Variants in SCN2A observed in about 807,000 individuals in gnomAD.
SCN2A encodes the protein sodium channel protein type 2 subunit alpha.
In SCN2A, 20 loss-of-function variants were observed where a neutral mutation model predicts 188.7. That is an observed-to-expected ratio of 0.11 (90% CI 0.07 to 0.15). SCN2A has a LOEUF of 0.15. Ranked by LOEUF, SCN2A falls within the 10% of genes least tolerant of loss-of-function variation. SCN2A has a pLI of 1.00. For missense variants in SCN2A, 1,278 were observed against 2,445.0 expected (o/e 0.52, Z 10.07); for synonymous variants, 804 against 833.1 (o/e 0.97, Z 0.60).
At chr2:165,268,273 T>C (rs543813263) in intron 1 of SCN2A, 1 of 152,100 alleles carries the variant, frequency 6.6e-6, no homozygotes, top group Non-Finnish European at 1.5e-5. Flanking sequence ...TGAACATAGA[T>C]GCAAAAATTC....
intron 1 of SCN2A, among the ~76,000 whole-genome samples, chr2:165,281,082 A>T (rs1292673769): frequency 1.3e-5 from 2 of 152,110 alleles, no homozygotes; most frequent in Non-Finnish European, 2.9e-5. Flanking sequence ...TTAGCCAGGC[A>T]AGGTGGCATG....
Position 165,390,224 on chromosome 2 carries a change from G to A in SCN2A, c.*400G>A, listed in dbSNP as rs564495757. On this transcript the variant is annotated 3_prime_UTR_variant, in exon 27 of 27. Coordinates refer to ENST00000375437, the MANE Select transcript of SCN2A (RefSeq NM_001040142.2). Reference sequence around the variant, plus strand: ...CACCTGCCATATTTTTACAAAACGTGTGCTGTGAATTTATCACTTTTCTTT... The same window carrying A: ...CACCTGCCATATTTTTACAAAACGTATGCTGTGAATTTATCACTTTTCTTT... 1 of 205,532 alleles carries A rather than the reference G, an allele frequency of 4.9e-6. No individual in the cohort carries two copies. Among genetic ancestry groups the A allele is most frequent in the African/African-American group, 2.4e-5 (1 of 42,416 alleles). The allele number at this position is 205,532 out of a possible 1,614,324, so 12.7% of individuals were successfully genotyped here.
chr2:165,292,253 T>C (rs911588058), intron 1 of SCN2A, among the ~76,000 whole-genome samples: 1 of 152,236 alleles, frequency 6.6e-6, no homozygotes, highest in Non-Finnish European at 1.5e-5. Flanking sequence ...AGTTATCTGC[T>C]AAAGTGACTA....
chr2:165,380,369 T>G (rs1701538621), intron 23 of SCN2A, among the ~76,000 whole-genome samples: 1 of 151,810 alleles, frequency 6.6e-6, no homozygotes, highest in Non-Finnish European at 1.5e-5. Context: ...TTGTCTATAA[T>G]CATTCAGACT....
intron 17 of SCN2A, among the ~76,000 whole-genome samples, chr2:165,363,348 A>T (rs1173871571): frequency 1.3e-5 from 2 of 152,086 alleles, no homozygotes; most frequent in Non-Finnish European, 2.9e-5. Flanking sequence ...TTCTGTGTTT[A>T]CAGTGTGAAC....
At chr2:165,387,804 C>G (rs1394649582) in intron 26 of SCN2A, among the ~76,000 whole-genome samples, 1 of 151,976 alleles carries the variant, frequency 6.6e-6, no homozygotes, top group Non-Finnish European at 1.5e-5. Flanking sequence ...TTTCTTTAGT[C>G]GAATAGAACA....
At position 165,311,859 on chromosome 2, in the gene SCN2A, T is replaced by C. The variant is rs143785800; in HGVS notation, c.971-166T>C. Among the ~76,000 whole-genome samples, 248 of 152,268 alleles carry C rather than the reference T, an allele frequency of 1.6e-3. 3 individuals are homozygous for C. Among genetic ancestry groups the C allele is most frequent in the Admixed American group, 0.012 (186 of 15,288 alleles). ...TTTGTATAATCAAAAATGTTATATA[T>C]TGATATTTGTTCAATATTGTGAAAA... On this transcript the variant is annotated intron_variant, in intron 7 of 26. Coordinates refer to ENST00000375437, the MANE Select transcript of SCN2A (RefSeq NM_001040142.2).
At chr2:165,287,228 T>C (rs2106130296) in intron 1 of SCN2A, among the ~76,000 whole-genome samples, 1 of 152,354 alleles carries the variant, frequency 6.6e-6, no homozygotes, top group African/African-American at 2.4e-5. Flanking sequence ...GGCCTAGTTA[T>C]GGCCTGGTTA....
intron 5 of SCN2A, 104 bp from the exon 6 acceptor site, chr2:165,309,248 T>C: frequency 6.2e-7 from 1 of 1,613,612 alleles, no homozygotes; most frequent in South Asian, 1.1e-5. Context: ...ACTATTTCTG[T>C]AATTCCAGGT....
chr2:165,281,124 G>T (rs980699854), intron 1 of SCN2A, among the ~76,000 whole-genome samples: 1 of 152,094 alleles, frequency 6.6e-6, no homozygotes, highest in Non-Finnish European at 1.5e-5. Flanking sequence ...GGAATGCTGA[G>T]GTGGGAGGAT....
intron 22 of SCN2A, 64 bp from the exon 23 acceptor site, chr2:165,377,533 A>G: frequency 3.0e-6 from 4 of 1,355,590 alleles, no homozygotes; most frequent in Non-Finnish European, 4.2e-6. Flanking sequence ...TTGATCAATT[A>G]TTCAATTTAT....
chr2:165,328,411 T>C, intron 13 of SCN2A: 1 of 890,392 alleles, frequency 1.1e-6, no homozygotes, highest in Non-Finnish European at 1.3e-6. Flanking sequence ...CAGGTAAATC[T>C]TTTGAAGATT....
chr2:165,359,702 G>A (rs992918305), intron 17 of SCN2A, among the ~76,000 whole-genome samples: 1 of 151,996 alleles, frequency 6.6e-6, no homozygotes, highest in South Asian at 2.1e-4. Context: ...CTTTATCCTG[G>A]AGAATGTGTA....
chr2:165,342,824 A>G (rs1458240398), intron 15 of SCN2A, among the ~76,000 whole-genome samples: 1 of 152,170 alleles, frequency 6.6e-6, no homozygotes, highest in East Asian at 1.9e-4. Flanking sequence ...ACCTAGGATG[A>G]GCTCCCCTTT....
intron 18 of SCN2A, among the ~76,000 whole-genome samples, chr2:165,365,989 C>T (rs999339890): frequency 6.6e-6 from 1 of 152,142 alleles, no homozygotes; most frequent in African/African-American, 2.4e-5. Flanking sequence ...CTAGTTTTGA[C>T]TCCTATTTCC....
chr2:165,255,826 C>T (rs1031529189), intron 1 of SCN2A, among the ~76,000 whole-genome samples: 1 of 151,854 alleles, frequency 6.6e-6, no homozygotes, highest in Admixed American at 6.6e-5. Flanking sequence ...ATATTTTGTT[C>T]TTTTATCCTC....
At chr2:165,376,444 T>C (rs536596502) in intron 22 of SCN2A, among the ~76,000 whole-genome samples, 2 of 152,060 alleles carry the variant, frequency 1.3e-5, no homozygotes, top group African/African-American at 4.8e-5. Context: ...AACAATAAAA[T>C]AAAATTTTTC....
At chr2:165,334,802 A>T (rs1362683034) in intron 14 of SCN2A, among the ~76,000 whole-genome samples, 3 of 151,780 alleles carry the variant, frequency 2.0e-5, no homozygotes, top group Admixed American at 1.3e-4. Context: ...AATGGCATCT[A>T]GATTGGAACA....
At chr2:165,304,594 G>A (rs1697016912) in intron 3 of SCN2A, among the ~76,000 whole-genome samples, 1 of 152,160 alleles carries the variant, frequency 6.6e-6, no homozygotes, top group African/African-American at 2.4e-5. Flanking sequence ...TAGTTGAGAA[G>A]ATCATCATTA....
Sources: allele counts gnomAD v4.1 joint callset (sites outside exome capture counted in the v4.1 genomes callset), GRCh38; gene constraint gnomAD v4.1.1; transcripts MANE v1.5; gene names NCBI Gene and HGNC (gene_info 2026-07-23, HGNC 2026-07-21).